The following MDFIC2 variants were observed in gnomAD, a reference collection of about 807,000 sequenced individuals.
MDFIC2 encodes myoD family inhibitor domain-containing protein 2.
Position 70,237,007 on chromosome 3 carries a change from G to C in MDFIC2, c.89-30217C>G, listed in dbSNP as rs77883446. ...GCAACACAGATGTGTCAATGTCAAG[G>C]CAACATCTCCACTTCATTACTGCAG... On this transcript the variant is annotated intron_variant, in intron 2 of 3. Coordinates refer to ENST00000567252, the MANE Select transcript of MDFIC2 (RefSeq NM_001364677.1). Among the ~76,000 whole-genome samples the C allele has an allele frequency of 9.3e-3, 1,412 of 152,252 alleles. 19 individuals carry two copies. The highest frequency in any genetic ancestry group is 0.032 in the African/African-American group (1,331 of 41,554).
intron 2 of MDFIC2, among the ~76,000 whole-genome samples, chr3:70,224,629 C>T (rs1238674627): frequency 2.6e-5 from 4 of 152,254 alleles, no homozygotes; most frequent in African/African-American, 7.2e-5. Flanking sequence ...GAGGCAGTAA[C>T]GGGGTCAGTT....
chr3:70,214,369 A>G lies in MDFIC2; in HGVS notation c.89-7579T>C, dbSNP rs572751951. The stretch of plus-strand genomic sequence containing the variant: ...TCAAGAAACGTTAGATGAAATGTTT[A>G]TCAAGGGCTACGACAAGAGGACATT... On this transcript the variant is annotated intron_variant, in intron 2 of 3. Coordinates refer to ENST00000567252, the MANE Select transcript of MDFIC2 (RefSeq NM_001364677.1). Among the ~76,000 whole-genome samples, 3 of 152,260 alleles carry G rather than the reference A, an allele frequency of 2.0e-5. No homozygotes were observed. In the East Asian group the frequency reaches 5.8e-4, roughly 29 times the overall value.
At chr3:70,268,300 C>T (rs988336975) in intron 2 of MDFIC2, among the ~76,000 whole-genome samples, 3 of 151,988 alleles carry the variant, frequency 2.0e-5, no homozygotes, top group Non-Finnish European at 4.4e-5. Flanking sequence ...GAGAAACACC[C>T]ACCGTCTGTA....
chr3:70,263,657 T>A (rs891165002), intron 2 of MDFIC2, among the ~76,000 whole-genome samples: 1 of 152,222 alleles, frequency 6.6e-6, no homozygotes, highest in Non-Finnish European at 1.5e-5. Context: ...AAGGGAGCCC[T>A]ACGCAAATTT....
intron 2 of MDFIC2, among the ~76,000 whole-genome samples, chr3:70,306,170 C>T (rs772687412): frequency 1.3e-5 from 2 of 152,106 alleles, no homozygotes; most frequent in Non-Finnish European, 2.9e-5. Flanking sequence ...ATGGCGTGGT[C>T]TCAGCTCACT....
At chr3:70,306,602 TC>T (rs1389817544) in intron 2 of MDFIC2, among the ~76,000 whole-genome samples, 2 of 152,110 alleles carry the variant, frequency 1.3e-5, no homozygotes, top group African/African-American at 4.8e-5. Flanking sequence ...TCATTTTTTT[TC>T]TCTCTCATGA....
intron 2 of MDFIC2, among the ~76,000 whole-genome samples, chr3:70,278,607 A>G (rs975348578): frequency 6.6e-6 from 1 of 152,120 alleles, no homozygotes; most frequent in Non-Finnish European, 1.5e-5. Flanking sequence ...GAATGCCTTT[A>G]TTGACTACTT....
intron 2 of MDFIC2, among the ~76,000 whole-genome samples, chr3:70,237,125 C>T (rs758748908): frequency 5.5e-4 from 83 of 152,222 alleles, no homozygotes; most frequent in Non-Finnish European, 1.0e-3. Flanking sequence ...CATTCATTCT[C>T]GAACATTTGC....
chr3:70,213,578 C>T (rs1701371246), intron 2 of MDFIC2, among the ~76,000 whole-genome samples: 1 of 151,992 alleles, frequency 6.6e-6, no homozygotes, highest in Admixed American at 6.6e-5. Context: ...TATAAGCTAC[C>T]AAACCATTAA....
At chr3:70,251,941 A>G (rs1343491617) in intron 2 of MDFIC2, among the ~76,000 whole-genome samples, 1 of 152,222 alleles carries the variant, frequency 6.6e-6, no homozygotes, top group Non-Finnish European at 1.5e-5. Context: ...TTTAACCAAT[A>G]CAGTGTGCCA....
At chr3:70,205,031 G>A (rs2177147) in intron 3 of MDFIC2, 21,866 of 152,032 alleles carry the variant, frequency 0.14, 2,296 homozygotes, top group East Asian at 0.55. Flanking sequence ...AGAGACTTGA[G>A]CATCATCCTG....
At chr3:70,258,402 T>C (rs1379616447) in intron 2 of MDFIC2, among the ~76,000 whole-genome samples, 1 of 152,150 alleles carries the variant, frequency 6.6e-6, no homozygotes, top group Non-Finnish European at 1.5e-5. Flanking sequence ...ATAACTTCAA[T>C]TGAGAATACA....
chr3:70,266,401 T>C (rs1701917369), intron 2 of MDFIC2, among the ~76,000 whole-genome samples: 1 of 151,852 alleles, frequency 6.6e-6, no homozygotes, highest in African/African-American at 2.4e-5. Context: ...ATCATAGAGA[T>C]ATATATTTTT....
chr3:70,235,290 G>A (rs1478780620), intron 2 of MDFIC2, among the ~76,000 whole-genome samples: 1 of 152,070 alleles, frequency 6.6e-6, no homozygotes, highest in Non-Finnish European at 1.5e-5. Flanking sequence ...ATTCTTAGGT[G>A]TACTAGAGAC....
At chr3:70,271,356 T>G (rs2106671803) in intron 2 of MDFIC2, among the ~76,000 whole-genome samples, 1 of 152,238 alleles carries the variant, frequency 6.6e-6, no homozygotes, top group South Asian at 2.1e-4. Flanking sequence ...GCTACTCACC[T>G]CCATTGGTGA....
At position 70,222,719 on chromosome 3, in the gene MDFIC2, A is replaced by C. The variant is rs578209800; in HGVS notation, c.89-15929T>G. Among the ~76,000 whole-genome samples, 135 of 152,300 alleles carry C rather than the reference A, an allele frequency of 8.9e-4. 1 individual carries two copies. In the South Asian group the frequency reaches 0.017, roughly 19 times the overall value. Reference sequence around the variant, plus strand: ...AAGTGAGCCAGCCATACTTTGTACAAAGTTGTCTCTTGGTGATAGAAACTG... The same window carrying C: ...AAGTGAGCCAGCCATACTTTGTACACAGTTGTCTCTTGGTGATAGAAACTG... On this transcript the variant is annotated intron_variant, in intron 2 of 3. Transcript: ENST00000567252.
At chr3:70,286,875 T>A (rs1702170503) in intron 2 of MDFIC2, among the ~76,000 whole-genome samples, 1 of 152,084 alleles carries the variant, frequency 6.6e-6, no homozygotes, top group Admixed American at 6.6e-5. Flanking sequence ...TGTTGGTGTA[T>A]AAGAATGCTT....
intron 2 of MDFIC2, among the ~76,000 whole-genome samples, chr3:70,297,030 T>C (rs1401960957): frequency 2.0e-5 from 3 of 152,058 alleles, no homozygotes; most frequent in African/African-American, 7.2e-5. Context: ...ATACTATGGC[T>C]TAACCAAGGT....
chr3:70,291,382 C>A (rs1225426575), intron 2 of MDFIC2: 1 of 152,108 alleles, frequency 6.6e-6, no homozygotes, highest in Non-Finnish European at 1.5e-5. Context: ...ATACTGTTAT[C>A]ATTACGATAT....
Sources: gnomAD v4.1 joint callset for allele counts (sites outside exome capture counted in the v4.1 genomes callset) on GRCh38, gnomAD v4.1.1 for gene constraint, MANE v1.5 for transcripts, NCBI Gene and HGNC (gene_info 2026-07-23, HGNC 2026-07-21) for gene names.